MTHFD1L: variants seen among roughly 807,000 people sequenced by gnomAD.
MTHFD1L encodes the protein monofunctional C1-tetrahydrofolate synthase, mitochondrial.
MTHFD1L carries 81 observed loss-of-function variants against 119.5 expected under a neutral mutation model. That is an observed-to-expected ratio of 0.68 (90% CI 0.57 to 0.82). MTHFD1L has a LOEUF of 0.82. MTHFD1L is among the 40% of genes least tolerant of loss of function. The probability of loss-of-function intolerance (pLI) is 0.00; values close to 1 mark genes in which losing one functional copy is unlikely to be tolerated. For missense variants in MTHFD1L, 1,125 were observed against 1,253.4 expected (o/e 0.90, Z 1.55); for synonymous variants, 430 against 475.2 (o/e 0.90, Z 1.24).
chr6:150,969,519 A>AT (rs931723870), intron 19 of MTHFD1L, among the ~76,000 whole-genome samples: 1 of 151,706 alleles, frequency 6.6e-6, no homozygotes, highest in Non-Finnish European at 1.5e-5. Flanking sequence ...CCTCAAAAAA[A>AT]AAAAAAAAGA....
At chr6:150,919,213 A>G (rs1333888989) in intron 9 of MTHFD1L, among the ~76,000 whole-genome samples, 1 of 151,808 alleles carries the variant, frequency 6.6e-6, no homozygotes, top group East Asian at 1.9e-4. Flanking sequence ...AACAGATTTA[A>G]TTGGCTCACG....
chr6:150,872,291 G>A (rs1779679701), intron 1 of MTHFD1L, among the ~76,000 whole-genome samples: 1 of 152,112 alleles, frequency 6.6e-6, no homozygotes, highest in South Asian at 2.1e-4. Flanking sequence ...AAGAGGCCTA[G>A]CTTTTGACCT....
intron 26 of MTHFD1L, among the ~76,000 whole-genome samples, chr6:151,086,168 C>A (rs544264744): frequency 6.6e-6 from 1 of 152,094 alleles, no homozygotes; most frequent in Non-Finnish European, 1.5e-5. Context: ...GTGCAGGTTC[C>A]CAGCTACCCC....
intron 20 of MTHFD1L, among the ~76,000 whole-genome samples, chr6:151,001,781 G>C (rs143893083): frequency 1.3e-3 from 197 of 152,242 alleles, no homozygotes; most frequent in African/African-American, 4.6e-3. Flanking sequence ...TCCTCTCTCT[G>C]AAGTGTTTCT....
intron 27 of MTHFD1L, among the ~76,000 whole-genome samples, chr6:151,095,911 G>A (rs1794858664): frequency 6.6e-6 from 1 of 152,250 alleles, no homozygotes. Context: ...TCAACCCAGG[G>A]AGGTGGGTAG....
chr6:151,090,877 C>A (rs146828164), intron 26 of MTHFD1L, among the ~76,000 whole-genome samples: 1,709 of 130,174 alleles, frequency 0.013, 52 homozygotes, highest in African/African-American at 0.05. Context: ...TCGCCCCATG[C>A]GACTGGGTGC....
rs544362202 is a variant in MTHFD1L at position 150,955,812 on chromosome 6, TTTTG to T, written c.1727-172_1727-169del. On this transcript the variant is annotated intron_variant, in intron 16 of 27. Transcript: ENST00000367321. ...ACTGTGCTTGGCCTCTAGTGGATTT[TTTTG>T]TTTGTTTGTTGTTTATTTGATTCTT... Among the ~76,000 whole-genome samples the T allele has an allele frequency of 6.2e-3, 941 of 152,192 alleles. 9 individuals are homozygous for T. The highest frequency in any genetic ancestry group is 0.021 in the African/African-American group (891 of 41,528).
chr6:150,954,908 T>A (rs907232919), intron 16 of MTHFD1L, among the ~76,000 whole-genome samples: 1 of 152,028 alleles, frequency 6.6e-6, no homozygotes, highest in Non-Finnish European at 1.5e-5. Context: ...ACCCAGCCAA[T>A]AACTGAAATT....
At chr6:151,096,979 T>C (rs1794940783) in intron 27 of MTHFD1L, among the ~76,000 whole-genome samples, 1 of 152,222 alleles carries the variant, frequency 6.6e-6, no homozygotes, top group African/African-American at 2.4e-5. Context: ...TGTCACTAAA[T>C]AGAACTAATT....
At chr6:150,916,319 T>C (rs1056923168) in intron 8 of MTHFD1L, among the ~76,000 whole-genome samples, 15 of 139,806 alleles carry the variant, frequency 1.1e-4, no homozygotes, top group Admixed American at 4.4e-4. Context: ...TTTTTTTTTT[T>C]CAGATAGAGT....
intron 10 of MTHFD1L, among the ~76,000 whole-genome samples, chr6:150,923,537 ATTT>A (rs1231382945): frequency 3.2e-5 from 3 of 95,208 alleles, no homozygotes; most frequent in Admixed American, 1.1e-4. Context: ...TTATTTATTT[ATTT>A]TTTCTTTTTT....
At chr6:150,895,225 C>T (rs1205179849) in intron 7 of MTHFD1L, among the ~76,000 whole-genome samples, 2 of 152,158 alleles carry the variant, frequency 1.3e-5, no homozygotes, top group Non-Finnish European at 2.9e-5. Context: ...TTCCTGACCC[C>T]GATGATTTCA....
At chr6:150,903,486 A>T (rs1437730137) in intron 7 of MTHFD1L, among the ~76,000 whole-genome samples, 1 of 152,076 alleles carries the variant, frequency 6.6e-6, no homozygotes. Context: ...GCTCGATCAC[A>T]GCTCACTGCA....
chr6:151,012,932 A>G (rs1782515022), intron 21 of MTHFD1L, among the ~76,000 whole-genome samples: 1 of 152,180 alleles, frequency 6.6e-6, no homozygotes, highest in Non-Finnish European at 1.5e-5. Context: ...TTGACTGGTC[A>G]GTTGAGACCC....
At chr6:151,028,312 A>G (rs1784861590) in intron 24 of MTHFD1L, among the ~76,000 whole-genome samples, 1 of 152,176 alleles carries the variant, frequency 6.6e-6, no homozygotes, top group African/African-American at 2.4e-5. Flanking sequence ...GGTAACAAAA[A>G]AATGTATGTT....
chr6:150,979,030 A>G (rs1409242841), intron 20 of MTHFD1L, among the ~76,000 whole-genome samples: 1 of 152,168 alleles, frequency 6.6e-6, no homozygotes, highest in Non-Finnish European at 1.5e-5. Context: ...ACTTGAGGTC[A>G]GGAGTTCGAG....
intron 24 of MTHFD1L, among the ~76,000 whole-genome samples, chr6:151,024,485 G>T (rs191354900): frequency 1.3e-5 from 2 of 152,078 alleles, no homozygotes; most frequent in Admixed American, 1.3e-4. Context: ...AGAGGTTGCA[G>T]TGAGCCAAGA....
At chr6:150,956,617 G>T (rs1795683374) in intron 17 of MTHFD1L, among the ~76,000 whole-genome samples, 1 of 152,100 alleles carries the variant, frequency 6.6e-6, no homozygotes, top group Non-Finnish European at 1.5e-5. Context: ...GGCACTTAGG[G>T]AATACAAATT....
intron 26 of MTHFD1L, among the ~76,000 whole-genome samples, chr6:151,046,990 G>A (rs576945250): frequency 2.6e-5 from 4 of 152,200 alleles, no homozygotes; most frequent in African/African-American, 7.2e-5. Flanking sequence ...GAAATATAAC[G>A]GATAATATCT....
Sources: allele counts gnomAD v4.1 joint callset (sites outside exome capture counted in the v4.1 genomes callset), GRCh38; gene constraint gnomAD v4.1.1; transcripts MANE v1.5; gene names NCBI Gene and HGNC (gene_info 2026-07-23, HGNC 2026-07-21).